Variants in CSMD1 observed in about 807,000 individuals in gnomAD.
CSMD1 encodes CUB and Sushi multiple domains 1.
CSMD1 carries 213 observed loss-of-function variants against 417.5 expected under a neutral mutation model. That is an observed-to-expected ratio of 0.51 (90% CI 0.46 to 0.57). The LOEUF is 0.57. Ranked by LOEUF, CSMD1 falls within the 20% of genes least tolerant of loss-of-function variation. CSMD1 has a pLI of 0.00. For synonymous variants in CSMD1, 2,862 were observed against 1,736.8 expected, an observed-to-expected ratio of 1.65 and a Z score of -16.11; for missense variants, 6,923 against 4,529.7, an observed-to-expected ratio of 1.53 and a Z score of -15.17.
chr8:4,012,758 C>G (rs1037764133), intron 4 of CSMD1, among the ~76,000 whole-genome samples: 1 of 152,168 alleles, frequency 6.6e-6, no homozygotes, highest in Non-Finnish European at 1.5e-5. Context: ...TTCTTTTGCT[C>G]TTTCCATTTT....
intron 1 of CSMD1, among the ~76,000 whole-genome samples, chr8:4,705,009 A>T (rs1584970612): frequency 6.6e-6 from 1 of 152,186 alleles, no homozygotes; most frequent in Non-Finnish European, 1.5e-5. Context: ...AGCGTCCTGT[A>T]ATTTTGGATC....
intron 1 of CSMD1, among the ~76,000 whole-genome samples, chr8:4,969,702 T>G (rs977219088): frequency 1.3e-5 from 2 of 152,060 alleles, no homozygotes; most frequent in Non-Finnish European, 2.9e-5. Context: ...GAGGGAAGAT[T>G]CCTGCGGCTG....
chr8:3,626,873 TAAATATAA>T (rs1318195165), intron 7 of CSMD1, among the ~76,000 whole-genome samples: 1 of 149,576 alleles, frequency 6.7e-6, no homozygotes, highest in African/African-American at 2.4e-5. Flanking sequence ...CATAAATACA[TAAATATAA>T]GTATTAATAA....
At chr8:3,470,425 A>G (rs924603771) in intron 11 of CSMD1, among the ~76,000 whole-genome samples, 2 of 152,218 alleles carry the variant, frequency 1.3e-5, no homozygotes, top group African/African-American at 4.8e-5. Context: ...TGTATTATTT[A>G]CCTAGTTTCC....
At chr8:4,373,193 T>A (rs536566833) in intron 3 of CSMD1, among the ~76,000 whole-genome samples, 3 of 152,042 alleles carry the variant, frequency 2.0e-5, no homozygotes, top group Non-Finnish European at 4.4e-5. Flanking sequence ...CTCCAAACTG[T>A]CAAAGTCATC....
At chr8:3,146,400 C>A (rs1818847649) in intron 40 of CSMD1, among the ~76,000 whole-genome samples, 1 of 152,008 alleles carries the variant, frequency 6.6e-6, no homozygotes, top group African/African-American at 2.4e-5. Context: ...TTTGGTTTAA[C>A]TATTAAAAAC....
intron 26 of CSMD1, among the ~76,000 whole-genome samples, chr8:3,276,551 C>T (rs1156312013): frequency 2.0e-5 from 3 of 152,116 alleles, no homozygotes; most frequent in Admixed American, 2.0e-4. Flanking sequence ...AGACCTGCTC[C>T]CATGATTCGA....
chr8:4,024,186 TATA>T lies in CSMD1; in HGVS notation c.610+7716_610+7718del, dbSNP rs1563331126. 7.9e-5 allele frequency among the ~76,000 whole-genome samples: 12 copies of T among 152,056 alleles called. 1 individual carries two copies. The highest frequency in any genetic ancestry group is 2.9e-4 in the African/African-American group (12 of 41,404). On this transcript the variant is annotated intron_variant, in intron 4 of 69. Transcript: ENST00000635120. ...CAGTTGTATTATTCCAGTTCATAAATATAACAGATAGTAAGAAGACATGGGAAA... is the reference window on the plus strand; with the variant it reads ...CAGTTGTATTATTCCAGTTCATAAATACAGATAGTAAGAAGACATGGGAAA...
chr8:4,577,055 G>T (rs1382972592), intron 2 of CSMD1, among the ~76,000 whole-genome samples: 2 of 151,930 alleles, frequency 1.3e-5, no homozygotes, highest in Non-Finnish European at 2.9e-5. Context: ...CTTTGATTAC[G>T]AACAGGCCAA....
chr8:3,097,021 A>G lies in CSMD1; in HGVS notation c.6966T>C (p.Asn2322=). Residue 2322 remains asparagine, a synonymous_variant, in exon 47 of 70, where the codon AAT becomes AAC. Coordinates refer to ENST00000635120, the MANE Select transcript of CSMD1 (RefSeq NM_033225.6). ...CTCCCGATGATCCAGTCCGGACTTC[A>G]TTTGCTGGGCATTGTGCTGGAGAGA... ...LPTCEAQCPA[N]EVRTGSSGVI... is the part of the protein sequence containing the mutation. The G allele has an allele frequency of 1.9e-6, 3 of 1,546,910 alleles. No homozygotes were observed. Among genetic ancestry groups the G allele is most frequent in the Non-Finnish European group, 2.6e-6 (3 of 1,145,666 alleles).
rs192375559 is a variant in CSMD1, at chr8:3,669,035, T to G, written c.1009+39379A>C. ...TTAAACAGACGTTATACCTTTAGAG[T>G]TTACCTTAACCTGTCTTCAAAACTA... On this transcript the variant is annotated intron_variant, in intron 7 of 69. Transcript: ENST00000635120. Among the ~76,000 whole-genome samples the G allele has an allele frequency of 2.8e-3, 430 of 152,194 alleles. 1 individual carries two copies. Among genetic ancestry groups the G allele is most frequent in the African/African-American group, 9.9e-3 (412 of 41,532 alleles).
intron 2 of CSMD1, among the ~76,000 whole-genome samples, chr8:4,492,535 C>T (rs1171652542): frequency 6.6e-6 from 1 of 152,162 alleles, no homozygotes; most frequent in Non-Finnish European, 1.5e-5. Context: ...ATATTTCTCA[C>T]ATGATTTGCT....
At chr8:4,866,328 G>T (rs745474985) in intron 1 of CSMD1, among the ~76,000 whole-genome samples, 2 of 151,922 alleles carry the variant, frequency 1.3e-5, no homozygotes, top group African/African-American at 2.4e-5. Context: ...CTTCTCCAGA[G>T]ATTTCTTTAC....
chr8:3,172,149 C>T (rs762295429), intron 37 of CSMD1, among the ~76,000 whole-genome samples: 7 of 152,206 alleles, frequency 4.6e-5, no homozygotes, highest in East Asian at 1.9e-4. Flanking sequence ...TGGGCTACAA[C>T]GTACTGCGCA....
chr8:4,390,687 G>A (rs1011222225), intron 3 of CSMD1, among the ~76,000 whole-genome samples: 3 of 151,418 alleles, frequency 2.0e-5, no homozygotes, highest in Non-Finnish European at 4.4e-5. Flanking sequence ...CTAATTTTTT[G>A]TATTTTCAGT....
chr8:3,008,947 G>A (rs773293528), intron 52 of CSMD1, among the ~76,000 whole-genome samples: 5 of 152,172 alleles, frequency 3.3e-5, no homozygotes, highest in Admixed American at 2.0e-4. Context: ...GAGAGTCTCC[G>A]ACAAGTACCT....
intron 3 of CSMD1, among the ~76,000 whole-genome samples, chr8:4,362,545 A>T (rs1004420611): frequency 1.3e-5 from 2 of 152,182 alleles, no homozygotes; most frequent in Admixed American, 6.5e-5. Context: ...TCTTTAATTT[A>T]TTGTGGGAAG....
intron 3 of CSMD1, among the ~76,000 whole-genome samples, chr8:4,102,402 C>G (rs13268176): frequency 0.33 from 50,766 of 152,070 alleles, 9,734 homozygotes; most frequent in Non-Finnish European, 0.42. Flanking sequence ...GTTAACCCCT[C>G]TGGAGAATAT....
At chr8:4,226,108 G>T (rs1027197408) in intron 3 of CSMD1, among the ~76,000 whole-genome samples, 4 of 131,040 alleles carry the variant, frequency 3.1e-5, no homozygotes, top group Non-Finnish European at 6.6e-5. Context: ...ACACACACAC[G>T]CCAACACACA....
Sources: allele counts gnomAD v4.1 joint callset (sites outside exome capture counted in the v4.1 genomes callset), GRCh38; gene constraint gnomAD v4.1.1; transcripts MANE v1.5; gene names NCBI Gene and HGNC (gene_info 2026-07-23, HGNC 2026-07-21).